The following PDE6A variants were observed in gnomAD, a reference collection of about 807,000 sequenced individuals.
PDE6A encodes the protein rod cGMP-specific 3',5'-cyclic phosphodiesterase subunit alpha.
Under a neutral mutation model 106.3 loss-of-function variants are expected in PDE6A, and 84 were observed. The ratio of observed to expected loss-of-function variants is 0.79; its 90% CI spans 0.66 to 0.95. The LOEUF (loss-of-function observed/expected upper bound fraction) is 0.95. Among genes scored for constraint, PDE6A ranks in the 40% least tolerant of loss-of-function variants. The pLI is 0.00. For synonymous variants in PDE6A, 394 were observed against 386.6 expected (o/e 1.02, Z -0.23); for missense variants, 1,052 against 1,084.9 (o/e 0.97, Z 0.43).
intron 17 of PDE6A, among the ~76,000 whole-genome samples, chr5:149,872,040 T>C (rs1455276047): frequency 6.6e-6 from 1 of 152,148 alleles, no homozygotes; most frequent in East Asian, 1.9e-4. Context: ...AAATATTGTA[T>C]GCTCAGAAAT....
At chr5:149,871,049 C>T (rs28750331) in intron 17 of PDE6A, among the ~76,000 whole-genome samples, 6,760 of 152,200 alleles carry the variant, frequency 0.044, 478 homozygotes, top group African/African-American at 0.15. Flanking sequence ...TTGAGGGGTA[C>T]ATAGGAGCCC....
chr5:149,860,870 T>C lies in PDE6A; in HGVS notation c.*25A>G. 5 of 1,596,946 alleles carry C rather than the reference T, an allele frequency of 3.1e-6. No individual in the cohort carries two copies. The highest frequency in any genetic ancestry group is 4.3e-6 in the Non-Finnish European group (5 of 1,164,388). On this transcript the variant is annotated 3_prime_UTR_variant, in exon 22 of 22. Coordinates refer to ENST00000255266, the MANE Select transcript of PDE6A (RefSeq NM_000440.3). ...CTCTTCCCAGGAAAGGGTGGTGCCGTCCAGCCAGCACATCCCCAGTGGTGT... is the reference window on the plus strand; with the variant it reads ...CTCTTCCCAGGAAAGGGTGGTGCCGCCCAGCCAGCACATCCCCAGTGGTGT...
chr5:149,862,745 G>A (rs761398286), intron 21 of PDE6A, among the ~76,000 whole-genome samples: 22 of 152,174 alleles, frequency 1.4e-4, no homozygotes, highest in Non-Finnish European at 2.9e-4. Flanking sequence ...GAGACAGAGT[G>A]AGACTCCGGC....
At chr5:149,891,553 G>C (rs968353164) in intron 13 of PDE6A, among the ~76,000 whole-genome samples, 1 of 152,120 alleles carries the variant, frequency 6.6e-6, no homozygotes, top group African/African-American at 2.4e-5. Context: ...TAAAATCCCA[G>C]ATCTTTAGGA....
intron 1 of PDE6A, among the ~76,000 whole-genome samples, chr5:149,935,805 C>T (rs189914855): frequency 5.4e-4 from 82 of 152,316 alleles, no homozygotes; most frequent in African/African-American, 1.9e-3. Flanking sequence ...GCTCAGCTCA[C>T]GCCGTTCTGA....
chr5:149,876,730 C>T (rs1329641702), intron 17 of PDE6A, among the ~76,000 whole-genome samples: 1 of 152,068 alleles, frequency 6.6e-6, no homozygotes, highest in Non-Finnish European at 1.5e-5. Context: ...GGTCTTGAAC[C>T]TCTGAGCTCA....
rs939897920 is a variant in PDE6A, at chr5:149,863,381, G to T, written c.2359-115C>A. On this transcript the variant is annotated intron_variant, in intron 20 of 21. Coordinates refer to ENST00000255266, the MANE Select transcript of PDE6A (RefSeq NM_000440.3). The surrounding 1 kb of genome is among the most constrained non-coding windows in gnomAD (Gnocchi z 4.7). ...GGAATGAGCTGCTTCGGAGTAGCAG[G>T]CCTCCCGCCACCGTGCTGATACTGC... 1.9e-5 allele frequency: 20 copies of T among 1,041,084 alleles called. No homozygotes were observed. The African/African-American group carries it at 2.8e-4, about 15-fold the overall frequency. 64.5% of individuals were successfully genotyped at this position (1,041,084 alleles called of 1,614,324 possible).
Position 149,860,628 on chromosome 5 carries a change from C to G in PDE6A, c.*267G>C. On this transcript the variant is annotated 3_prime_UTR_variant, in exon 22 of 22. Coordinates refer to ENST00000255266, the MANE Select transcript of PDE6A (RefSeq NM_000440.3). Reference sequence around the variant, plus strand: ...CACAAATTCATAAACTTTCTTAAAACATTATGAAATTTTTTTTTTTGGCGA... The same window carrying G: ...CACAAATTCATAAACTTTCTTAAAAGATTATGAAATTTTTTTTTTTGGCGA... The G allele has an allele frequency of 2.5e-6, 1 of 404,238 alleles. No homozygotes were observed. The highest frequency in any genetic ancestry group is 4.4e-6 in the Non-Finnish European group (1 of 226,196). The allele number at this position is 404,238 out of a possible 1,614,324, so 25.0% of individuals were successfully genotyped here. A position where few individuals can be genotyped will look rare whatever the true frequency, so the allele number is the denominator to read the frequency against.
At position 149,886,250 on chromosome 5, in the gene PDE6A, G is replaced by A. The variant is rs1483275882; in HGVS notation, c.1838+15C>T. On this transcript the variant is annotated intron_variant, in intron 14 of 21. Coordinates refer to ENST00000255266, the MANE Select transcript of PDE6A (RefSeq NM_000440.3). ...GAATCCGGAGGGTTGGGTGTGGGGA[G>A]GGAGGCTGACTCACTTCATCTGGTA... is the stretch of plus-strand genomic sequence containing the variant. 3.8e-6 allele frequency: 6 copies of A among 1,566,244 alleles called. No individual in the cohort carries two copies. In the Admixed American group the frequency reaches 1.0e-4, roughly 26 times the overall value.
At chr5:149,894,864 C>A (rs1036447842) in intron 13 of PDE6A, among the ~76,000 whole-genome samples, 2 of 151,976 alleles carry the variant, frequency 1.3e-5, no homozygotes, top group African/African-American at 2.4e-5. Context: ...CTCCTGACCT[C>A]GTGATCCACC....
At position 149,903,449 on chromosome 5, in the gene PDE6A, T is replaced by C. The variant is rs152951; in HGVS notation, c.1113+199A>G. ...GAGGCCAGAAAGCAAAGAGTGTGAA[T>C]GTTAAAACTGAATAGGACCTTGGAA... On this transcript the variant is annotated intron_variant, in intron 8 of 21. Coordinates refer to ENST00000255266, the MANE Select transcript of PDE6A (RefSeq NM_000440.3). Among the ~76,000 whole-genome samples, 64,097 of 151,646 alleles carry C rather than the reference T, an allele frequency of 0.42. 15,687 individuals are homozygous for C. The highest frequency in any genetic ancestry group is 0.57 in the Non-Finnish European group (38,446 of 67,892).
chr5:149,920,627 C>T (rs1753677289), intron 5 of PDE6A, among the ~76,000 whole-genome samples: 1 of 152,120 alleles, frequency 6.6e-6, no homozygotes, highest in Admixed American at 6.5e-5. Flanking sequence ...GAACTCAGGC[C>T]ACATCCCAAG....
At chr5:149,942,319 C>T (rs1238450541) in intron 1 of PDE6A, among the ~76,000 whole-genome samples, 2 of 152,094 alleles carry the variant, frequency 1.3e-5, no homozygotes, top group Non-Finnish European at 2.9e-5. Flanking sequence ...GGCTGGAGTG[C>T]AGTGTCTATT....
chr5:149,928,223 A>T (rs1753921359), intron 4 of PDE6A, among the ~76,000 whole-genome samples: 2 of 29,946 alleles, frequency 6.7e-5, no homozygotes, highest in African/African-American at 6.0e-4. Context: ...ATATATATAT[A>T]TATATATATT....
chr5:149,909,605 T>C (rs1354797927), intron 6 of PDE6A, among the ~76,000 whole-genome samples: 1 of 152,230 alleles, frequency 6.6e-6, no homozygotes, highest in Non-Finnish European at 1.5e-5. Context: ...ATGTGACACC[T>C]ATTTTCAGTT....
chr5:149,896,488 T>C lies in PDE6A; in HGVS notation c.1488A>G (p.Pro496=), dbSNP rs151252699. 1.5e-5 allele frequency: 24 copies of C among 1,614,120 alleles called. No individual in the cohort carries two copies. Among genetic ancestry groups the C allele is most frequent in the Non-Finnish European group, 1.9e-5 (22 of 1,180,054 alleles). The change falls in exon 12 of 22, where the codon CCA becomes CCG. Residue 496 remains proline, a synonymous_variant. Coordinates refer to ENST00000255266, the MANE Select transcript of PDE6A (RefSeq NM_000440.3). ...TATTAATTTCGTATTTATCTGCATC[T>C]GGCAGCTCCGCTTGCTGTATAAGGA... ...ELAEILQAEL[P]DADKYEINKF...
At chr5:149,921,210 C>T (rs754585804) in intron 5 of PDE6A, among the ~76,000 whole-genome samples, 13 of 151,944 alleles carry the variant, frequency 8.6e-5, no homozygotes, top group Non-Finnish European at 1.5e-4. Flanking sequence ...GTATGTTGGT[C>T]CCTGTTTGGT....
intron 5 of PDE6A, among the ~76,000 whole-genome samples, chr5:149,916,555 T>C (rs1345928705): frequency 3.3e-5 from 5 of 152,190 alleles, no homozygotes; most frequent in Admixed American, 2.6e-4. Context: ...CCCGCCTCCT[T>C]GCATTGTTAA....
intron 4 of PDE6A, among the ~76,000 whole-genome samples, chr5:149,928,231 A>ATTTTTTTTTTTTTTTTTT (rs1165259453): frequency 1.0e-4 from 2 of 19,744 alleles, no homozygotes; most frequent in Non-Finnish European, 1.7e-4. Context: ...ATATATATAT[A>ATTTTTTTTTTTTTTTTTT]TTTTTTTTTT....
Sources: gnomAD v4.1 joint callset for allele counts (sites outside exome capture counted in the v4.1 genomes callset) on GRCh38, gnomAD v4.1.1 for gene constraint, Gnocchi (gnomAD v3.1) non-coding constraint, MANE v1.5 for transcripts, NCBI Gene and HGNC (gene_info 2026-07-23, HGNC 2026-07-21) for gene names.